Variants in CUBN observed in about 807,000 individuals in gnomAD.
The protein encoded by CUBN is 460 kDa receptor.
A neutral mutation model predicts 405.3 loss-of-function variants in CUBN; 282 were observed. The observed-to-expected ratio is 0.70, with a 90% CI of 0.63 to 0.77. CUBN has a LOEUF of 0.77. CUBN is among the 30% of genes least tolerant of loss of function. The probability of loss-of-function intolerance (pLI) is 0.00; values close to 1 mark genes in which losing one functional copy is unlikely to be tolerated. For synonymous variants in CUBN, 1,684 were observed against 1,617.0 expected, an observed-to-expected ratio of 1.04 and a Z score of -0.99; for missense variants, 4,514 against 4,475.2, an observed-to-expected ratio of 1.01 and a Z score of -0.25.
chr10:16,883,656 G>T (rs928208163), intron 56 of CUBN, among the ~76,000 whole-genome samples: 5 of 152,060 alleles, frequency 3.3e-5, no homozygotes, highest in African/African-American at 1.2e-4. Context: ...CTTTCTATTA[G>T]ATATAACCCA....
rs573996718 is a variant in CUBN at position 17,113,158 on chromosome 10, G to A, written c.883+869C>T. Among the ~76,000 whole-genome samples, 13 of 152,100 alleles carry A rather than the reference G, an allele frequency of 8.5e-5. No individual in the cohort carries two copies. In the South Asian group the frequency reaches 2.3e-3, roughly 27 times the overall value. The stretch of plus-strand genomic sequence containing the variant: ...GGTGTGCCTGTAATCCCAGCTACTC[G>A]GGAGGGTGAGGCAGGAGAATCGCTT... On this transcript the variant is annotated intron_variant, in intron 8 of 66. Transcript: ENST00000377833.
At chr10:16,935,905 AAAAG>A (rs1292147977) in intron 39 of CUBN, among the ~76,000 whole-genome samples, 2 of 151,446 alleles carry the variant, frequency 1.3e-5, no homozygotes, top group Non-Finnish European at 2.9e-5. Flanking sequence ...AAGAAAAAAA[AAAAG>A]AAAGAAATAC....
intron 66 of CUBN, among the ~76,000 whole-genome samples, chr10:16,827,567 A>C (rs1390390705): frequency 6.6e-6 from 1 of 152,220 alleles, no homozygotes; most frequent in Non-Finnish European, 1.5e-5. Context: ...AATCAGAAAC[A>C]GATACCCGCT....
At chr10:17,025,876 C>T (rs1297427009) in intron 27 of CUBN, among the ~76,000 whole-genome samples, 1 of 152,020 alleles carries the variant, frequency 6.6e-6, no homozygotes, top group Admixed American at 6.6e-5. Context: ...GATAAGCATG[C>T]TGTGTGTGTG....
intron 22 of CUBN, among the ~76,000 whole-genome samples, chr10:17,054,646 G>C (rs969620068): frequency 1.3e-5 from 2 of 151,800 alleles, no homozygotes; most frequent in African/African-American, 4.8e-5. Context: ...TGTCACTATA[G>C]AATCTTCAGA....
Position 16,835,282 on chromosome 10 carries a change from T to C in CUBN, c.10181-87A>G, listed in dbSNP as rs1014926675. The C allele has an allele frequency of 3.1e-4, 363 of 1,179,902 alleles. 1 individual carries two copies. The highest frequency in any genetic ancestry group is 4.2e-4 in the Non-Finnish European group (329 of 787,464). The allele number at this position is 1,179,902 out of a possible 1,614,324, so 73.1% of individuals were successfully genotyped here. A position where few individuals can be genotyped will look rare whatever the true frequency, so the allele number is the denominator to read the frequency against. The stretch of plus-strand genomic sequence containing the variant: ...CACAGGAATCATTCAAAAAGATCAT[T>C]GCATTTGATAAACTTTAGAAAAAAG... On this transcript the variant is annotated intron_variant, in intron 63 of 66. Transcript: ENST00000377833.
chr10:16,946,794 C>T (rs1469981534), intron 36 of CUBN, among the ~76,000 whole-genome samples: 2 of 152,038 alleles, frequency 1.3e-5, no homozygotes, highest in Non-Finnish European at 2.9e-5. Flanking sequence ...TACACCCAGC[C>T]CCAGAACCAT....
At chr10:17,048,653 T>C (rs1835192763) in intron 22 of CUBN, among the ~76,000 whole-genome samples, 1 of 152,152 alleles carries the variant, frequency 6.6e-6, no homozygotes, top group African/African-American at 2.4e-5. Context: ...AATAAATGCA[T>C]TTTTAATGTA....
chr10:16,938,289 G>C (rs961243572), intron 38 of CUBN, among the ~76,000 whole-genome samples: 1 of 152,138 alleles, frequency 6.6e-6, no homozygotes, highest in Non-Finnish European at 1.5e-5. Flanking sequence ...GGCTCACCAT[G>C]TTCAAAGCAC....
At chr10:17,119,629 G>C (rs923561804) in intron 6 of CUBN, among the ~76,000 whole-genome samples, 4 of 152,136 alleles carry the variant, frequency 2.6e-5, no homozygotes, top group East Asian at 1.9e-4. Flanking sequence ...TGGGTGACAA[G>C]AGCAAGACTC....
Position 17,088,246 on chromosome 10 carries a change from G to C in CUBN, c.1865C>G (p.Thr622Ser). The C allele has an allele frequency of 1.9e-6, 3 of 1,613,340 alleles. No homozygotes were observed. The highest frequency in any genetic ancestry group is 2.5e-6 in the Non-Finnish European group (3 of 1,179,306). The change falls in exon 15 of 67, where the codon ACT (threonine) becomes AGT (serine). Residue 622 changes from threonine (T) to serine (S), a missense_variant. Around this residue, in one of 5 missense-constraint regions of CUBN, gnomAD observed 1,448 missense variants for 1,388.0 expected, o/e 1.04. Coordinates refer to ENST00000377833, the MANE Select transcript of CUBN (RefSeq NM_001081.4). Reference sequence around the variant, plus strand: ...AAATGTTACCAGGAGGTCAGGACTAGTTACAACAATCCAGACACAATCTCT... The same window carrying C: ...AAATGTTACCAGGAGGTCAGGACTACTTACAACAATCCAGACACAATCTCT... ...PGRDCVWIVV[T>S]SPDLLVTFTF...
intron 66 of CUBN, among the ~76,000 whole-genome samples, chr10:16,827,272 T>C (rs1272438662): frequency 1.3e-5 from 2 of 152,216 alleles, no homozygotes; most frequent in Admixed American, 6.5e-5. Context: ...ACAGTGTTTT[T>C]ATTGATATGT....
At chr10:17,116,114 T>C (rs1836890648) in intron 6 of CUBN, among the ~76,000 whole-genome samples, 1 of 152,196 alleles carries the variant, frequency 6.6e-6, no homozygotes, top group South Asian at 2.1e-4. Flanking sequence ...CAATATGTCT[T>C]CTATCCATAA....
chr10:17,074,684 T>C (rs1282696205), intron 17 of CUBN, among the ~76,000 whole-genome samples: 1 of 152,236 alleles, frequency 6.6e-6, no homozygotes, highest in Non-Finnish European at 1.5e-5. Flanking sequence ...ATTTGTACTG[T>C]CATATTCATA....
chr10:16,957,977 T>C (rs1304875984), intron 31 of CUBN, among the ~76,000 whole-genome samples: 2 of 152,136 alleles, frequency 1.3e-5, no homozygotes, highest in Admixed American at 1.3e-4. Flanking sequence ...TTAAAAAAAT[T>C]TTCTCCGAAA....
intron 4 of CUBN, among the ~76,000 whole-genome samples, chr10:17,125,733 A>G (rs932640): frequency 0.93 from 142,316 of 152,214 alleles, 66,590 homozygotes; most frequent in Middle Eastern, 0.97. Flanking sequence ...ATCATTCAAC[A>G]TTCCTCCTGA....
At position 16,925,336 on chromosome 10, in the gene CUBN, A is replaced by G; in HGVS notation, c.6551T>C (p.Leu2184Pro). The G allele has an allele frequency of 6.2e-7, 1 of 1,613,906 alleles. No individual in the cohort carries two copies. The highest frequency in any genetic ancestry group is 1.1e-5 in the South Asian group (1 of 91,080). Residue 2184 changes from leucine to proline, a missense_variant, in exon 43 of 67, where the codon CTG becomes CCG. Leu to Pro is a moderately conservative substitution (Grantham distance 98). This residue lies in a region of CUBN where 1,613 missense variants were observed against 1,542.8 expected (regional missense o/e 1.05). Coordinates refer to ENST00000377833, the MANE Select transcript of CUBN (RefSeq NM_001081.4). ...AAACATTTGATTATCCGAGGTGAAC[A>G]GAGTTGATGAAGCATGACTGCCACA... ...HFCGSHASSTLFTSDNQMFVQ... is the reference protein window; with the variant it reads ...HFCGSHASSTPFTSDNQMFVQ...
In CUBN at chr10:17,046,073, T is replaced by C. The variant is rs553507289; in HGVS notation, c.3351A>G (p.Ser1117=). The C allele has an allele frequency of 1.2e-6, 2 of 1,613,728 alleles. No individual in the cohort carries two copies. Among genetic ancestry groups the C allele is most frequent in the African/African-American group, 1.3e-5 (1 of 75,036 alleles). ...AGCCATAGAATATTCCCAGCAATGG[T>C]GATTTTTCATAGCCTCCATCTCTGG... is the stretch of plus-strand genomic sequence containing the variant. ...LEIRDGGYEK[S]PLLGIFYGSN... Residue 1117 remains serine (S), a synonymous_variant, in exon 24 of 67, where the codon TCA becomes TCG. Coordinates refer to ENST00000377833, the MANE Select transcript of CUBN (RefSeq NM_001081.4).
chr10:16,991,657 T>A (rs1373396107), intron 28 of CUBN, among the ~76,000 whole-genome samples: 1 of 151,470 alleles, frequency 6.6e-6, no homozygotes, highest in Non-Finnish European at 1.5e-5. Flanking sequence ...AAATATTCTT[T>A]ATTGGTTGGT....
Sources: gnomAD v4.1 joint callset for allele counts (sites outside exome capture counted in the v4.1 genomes callset) on GRCh38, gnomAD v4.1.1 for gene constraint, gnomAD v4.1.1 regional missense constraint, MANE v1.5 for transcripts, NCBI Gene and HGNC (gene_info 2026-07-23, HGNC 2026-07-21) for gene names.